Variants in SESTD1 observed in about 807,000 individuals in gnomAD.
SESTD1 encodes the protein SEC14 and spectrin domain containing 1.
SESTD1 carries 43 observed loss-of-function variants against 101.7 expected under a neutral mutation model. The ratio of observed to expected loss-of-function variants is 0.42; its 90% confidence interval spans 0.33 to 0.55. The LOEUF (loss-of-function observed/expected upper bound fraction) is 0.55. Ranked by LOEUF, SESTD1 falls within the 20% of genes least tolerant of loss-of-function variation. The probability of loss-of-function intolerance (pLI) is 0.07; values close to 1 mark genes in which losing one functional copy is unlikely to be tolerated. For synonymous variants in SESTD1, 283 were observed against 286.8 expected, an observed-to-expected ratio of 0.99 and a Z score of 0.13; for missense variants, 647 against 815.1, an observed-to-expected ratio of 0.79 and a Z score of 2.51.
rs563958276 is a variant in SESTD1 at position 179,209,686 on chromosome 2, A to AAC, written c.-25-17822_-25-17821dup. Reference sequence around the variant, plus strand: ...AACAATAATAGCGACACAACCTATCAACACCTCTGGGATACAGCAACAATG... The same window carrying AAC: ...AACAATAATAGCGACACAACCTATCAACACACCTCTGGGATACAGCAACAATG... On this transcript the variant is annotated intron_variant, in intron 1 of 17. Transcript: ENST00000428443. Among the ~76,000 whole-genome samples, 555 of 134,460 alleles carry AAC rather than the reference A, an allele frequency of 4.1e-3. 128 individuals are homozygous for AAC. Among genetic ancestry groups the AAC allele is most frequent in the African/African-American group, 0.016 (536 of 34,022 alleles). The allele number at this position is 134,460 out of a possible 152,430, so 88.2% of individuals were successfully genotyped here.
At chr2:179,185,824 TATATATA>T (rs1223448538) in intron 2 of SESTD1, among the ~76,000 whole-genome samples, 3 of 130,632 alleles carry the variant, frequency 2.3e-5, no homozygotes, top group Admixed American at 8.4e-5. Context: ...TATAGTATAT[TATATATA>T]ATATATAATA....
At chr2:179,227,593 T>C (rs1454400087) in intron 1 of SESTD1, among the ~76,000 whole-genome samples, 2 of 152,188 alleles carry the variant, frequency 1.3e-5, no homozygotes, top group African/African-American at 4.8e-5. Context: ...AAATCTAATA[T>C]TTAAAAATAC....
intron 1 of SESTD1, among the ~76,000 whole-genome samples, chr2:179,244,800 T>C (rs2047206287): frequency 6.6e-6 from 1 of 152,212 alleles, no homozygotes; most frequent in African/African-American, 2.4e-5. Context: ...GTCTAAATTA[T>C]GTTTGACACC....
chr2:179,251,981 A>G (rs2047324003), intron 1 of SESTD1, among the ~76,000 whole-genome samples: 1 of 152,210 alleles, frequency 6.6e-6, no homozygotes, highest in African/African-American at 2.4e-5. Flanking sequence ...TAAATTATAA[A>G]ATTCTCTGTC....
intron 1 of SESTD1, among the ~76,000 whole-genome samples, chr2:179,219,909 C>T (rs1050830722): frequency 7.2e-5 from 11 of 152,094 alleles, no homozygotes; most frequent in Non-Finnish European, 1.5e-4. Flanking sequence ...GTTAAAGTTT[C>T]ACCGAATAAT....
intron 1 of SESTD1, among the ~76,000 whole-genome samples, chr2:179,234,565 G>T (rs2047038036): frequency 6.6e-6 from 1 of 152,122 alleles, no homozygotes; most frequent in South Asian, 2.1e-4. Flanking sequence ...ATCACTTGGG[G>T]TCAGGAGTTT....
intron 10 of SESTD1, among the ~76,000 whole-genome samples, chr2:179,127,296 A>T (rs2044896033): frequency 6.6e-6 from 1 of 152,196 alleles, no homozygotes; most frequent in African/African-American, 2.4e-5. Flanking sequence ...GTTTCTGATT[A>T]AATGTCATCT....
intron 13 of SESTD1, among the ~76,000 whole-genome samples, chr2:179,117,817 A>ATAC (rs1478501049): frequency 6.6e-6 from 1 of 152,224 alleles, no homozygotes; most frequent in Non-Finnish European, 1.5e-5. Context: ...TACCCAAATG[A>ATAC]TACTCAATGA....
intron 2 of SESTD1, among the ~76,000 whole-genome samples, chr2:179,185,175 C>T (rs1438518222): frequency 1.3e-5 from 2 of 151,646 alleles, no homozygotes; most frequent in Non-Finnish European, 1.5e-5. Context: ...GCATATTATC[C>T]TTATACCACT....
chr2:179,193,048 A>G (rs1454254552), intron 1 of SESTD1, among the ~76,000 whole-genome samples: 1 of 152,136 alleles, frequency 6.6e-6, no homozygotes, highest in Non-Finnish European at 1.5e-5. Context: ...TATCCCACCT[A>G]AGGCTGTGCT....
In SESTD1 at chr2:179,108,422, T is replaced by G. The variant is rs1317754926; in HGVS notation, c.*1477A>C. 1 of 152,320 alleles carries G rather than the reference T, an allele frequency of 6.6e-6. No individual in the cohort carries two copies. The highest frequency in any genetic ancestry group is 1.5e-5 in the Non-Finnish European group (1 of 68,142). 9.4% of individuals were successfully genotyped at this position (152,320 alleles called of 1,614,324 possible). ...GAAAAAAACCATTCAGTTTGGTAAC[T>G]GGGAGGCCATTGCTGACTTTCAAAA... On this transcript the variant is annotated 3_prime_UTR_variant, in exon 18 of 18. Coordinates refer to ENST00000428443, the MANE Select transcript of SESTD1 (RefSeq NM_178123.5).
intron 1 of SESTD1, among the ~76,000 whole-genome samples, chr2:179,192,403 A>C (rs189484068): frequency 1.7e-4 from 26 of 152,184 alleles, no homozygotes; most frequent in African/African-American, 6.3e-4. Flanking sequence ...ATGGTACCAC[A>C]TCTTATCCTG....
Position 179,247,574 on chromosome 2 carries a change from A to G in SESTD1, c.-26+16925T>C, listed in dbSNP as rs867044814. ...TAAGTAGCTAGGACTACAGGCATGT[A>G]CCACCACACCTGGCTAATTTGTTAA... is the stretch of plus-strand genomic sequence containing the variant. On this transcript the variant is annotated intron_variant, in intron 1 of 17. Transcript: ENST00000428443. Among the ~76,000 whole-genome samples, 12 of 150,158 alleles carry G rather than the reference A, an allele frequency of 8.0e-5. No homozygotes were observed. The South Asian group carries it at 2.6e-3, about 32-fold the overall frequency.
At chr2:179,121,981 C>T (rs780711869) in intron 12 of SESTD1, 52 bp from the exon 13 acceptor site, 1 of 1,520,308 alleles carries the variant, frequency 6.6e-7, no homozygotes, top group South Asian at 1.3e-5. Context: ...GGCGCTTTCC[C>T]TCCCTCAAAC....
chr2:179,139,386 C>T (rs1051971294), intron 9 of SESTD1, among the ~76,000 whole-genome samples: 1 of 152,064 alleles, frequency 6.6e-6, no homozygotes, highest in African/African-American at 2.4e-5. Context: ...TCTAAAACCG[C>T]CCCTATAAAC....
intron 12 of SESTD1, 101 bp from the exon 13 acceptor site, chr2:179,122,030 T>A: frequency 8.2e-7 from 1 of 1,226,214 alleles, no homozygotes; most frequent in Non-Finnish European, 1.1e-6. Flanking sequence ...ATCCCAAGTA[T>A]AGGAGCTTTG....
intron 1 of SESTD1, among the ~76,000 whole-genome samples, chr2:179,255,062 T>C (rs74814466): frequency 0.011 from 1,711 of 152,250 alleles, 17 homozygotes; most frequent in Middle Eastern, 0.041. Flanking sequence ...ACTTAATCAA[T>C]ACATATTGTG....
intron 16 of SESTD1, 88 bp from the exon 17 acceptor site, chr2:179,112,933 G>C (rs1374215905): frequency 2.3e-5 from 33 of 1,456,366 alleles, no homozygotes; most frequent in Non-Finnish European, 2.7e-5. Context: ...AAAAAAAAGA[G>C]AGAAAAGAAA....
chr2:179,195,708 C>T (rs2046380317), intron 1 of SESTD1, among the ~76,000 whole-genome samples: 1 of 151,936 alleles, frequency 6.6e-6, no homozygotes, highest in African/African-American at 2.4e-5. Flanking sequence ...CTTAACTTCC[C>T]AACAAAAGGA....
Sources: allele counts gnomAD v4.1 joint callset (sites outside exome capture counted in the v4.1 genomes callset), GRCh38; gene constraint gnomAD v4.1.1; transcripts MANE v1.5; gene names NCBI Gene and HGNC (gene_info 2026-07-23, HGNC 2026-07-21).